The following ULK1 variants were observed in gnomAD, a reference collection of about 807,000 sequenced individuals.
ULK1 encodes the protein unc-51 like autophagy activating kinase 1.
ULK1 carries 48 observed loss-of-function variants against 117.5 expected under a neutral mutation model. The ratio of observed to expected loss-of-function variants is 0.41; its 90% CI spans 0.32 to 0.52. The LOEUF is 0.52. Ranked by LOEUF, ULK1 falls within the 20% of genes least tolerant of loss-of-function variation. ULK1 has a pLI of 0.29. For missense variants in ULK1, 1,387 were observed against 1,473.4 expected (o/e 0.94, Z 0.96); for synonymous variants, 790 against 637.8 (o/e 1.24, Z -3.60).
At chr12:131,915,008 C>T (rs569783560) in intron 16 of ULK1, 75 bp from the exon 17 acceptor site, 2 of 1,499,604 alleles carry the variant, frequency 1.3e-6, no homozygotes, top group African/African-American at 2.8e-5. Context: ...CCTGCCTTGT[C>T]CCCAGGTCCT....
At chr12:131,901,814 C>G (rs1482217909) in intron 3 of ULK1, among the ~76,000 whole-genome samples, 3 of 151,976 alleles carry the variant, frequency 2.0e-5, no homozygotes, top group Non-Finnish European at 2.9e-5. Context: ...TGTGCGCCAA[C>G]TAGGATGGCC....
chr12:131,904,822 G>A (rs963927411), intron 3 of ULK1, among the ~76,000 whole-genome samples: 1 of 152,098 alleles, frequency 6.6e-6, no homozygotes, highest in Non-Finnish European at 1.5e-5. Flanking sequence ...GTAATGGTGG[G>A]CCCAGGTCAG....
At chr12:131,918,419 G>A (rs1231761220) in intron 22 of ULK1, 78 bp from the exon 23 acceptor site, 13 of 1,494,744 alleles carry the variant, frequency 8.7e-6, no homozygotes, top group Non-Finnish European at 1.2e-5. Context: ...CCCTGGAGGT[G>A]TGGGAGTCTG....
rs1333391882 is a variant in ULK1, at chr12:131,909,040, T to G, written c.564+69T>G. ...GGGCTTGCTGGTTGGTTGGCTGGCGTGTGGTGCGCTCTGCTCTGGTTGGCT... is the reference window on the plus strand; with the variant it reads ...GGGCTTGCTGGTTGGTTGGCTGGCGGGTGGTGCGCTCTGCTCTGGTTGGCT... On this transcript the variant is annotated intron_variant, in intron 7 of 27. Transcript: ENST00000321867. 3.1e-6 allele frequency: 5 copies of G among 1,610,830 alleles called. No homozygotes were observed. In the Admixed American group the frequency reaches 8.4e-5, roughly 27 times the overall value.
Position 131,895,666 on chromosome 12 carries a change from G to T in ULK1, c.177G>T (p.Leu59=). The stretch of plus-strand genomic sequence containing the variant: ...AGAACCTCGCCAAGTCTCAGACGCT[G>T]CTGGGGAAGGAAATCAAAATCCTGA... ...NKKNLAKSQT[L]LGKEIKILKE... Residue 59 remains leucine, a synonymous_variant, in exon 2 of 28, where the codon CTG becomes CTT. Coordinates refer to ENST00000321867, the MANE Select transcript of ULK1 (RefSeq NM_003565.4). 6.2e-7 allele frequency: 1 copy of T among 1,614,166 alleles called. No homozygotes were observed. Among genetic ancestry groups the T allele is most frequent in the South Asian group, 1.1e-5 (1 of 91,084 alleles).
intron 19 of ULK1, 39 bp from the exon 20 acceptor site, chr12:131,916,359 A>C (rs759911493): frequency 6.5e-7 from 1 of 1,530,842 alleles, no homozygotes; most frequent in African/African-American, 1.4e-5. Flanking sequence ...AGGGCTGCAG[A>C]CCTGCGGGGC....
intron 3 of ULK1, among the ~76,000 whole-genome samples, chr12:131,901,365 A>G (rs1300692543): frequency 2.0e-5 from 3 of 152,064 alleles, no homozygotes; most frequent in African/African-American, 7.2e-5. Context: ...CAAAAAAAAA[A>G]AAAAGAAAAA....
chr12:131,896,610 C>T (rs1888882865), intron 3 of ULK1: 2 of 152,436 alleles, frequency 1.3e-5, no homozygotes, highest in African/African-American at 4.8e-5. Context: ...TTGCTGTGGC[C>T]TTGGGGACCG....
chr12:131,913,178 A>G lies in ULK1; in HGVS notation c.1097-20A>G. 6.4e-7 allele frequency: 1 copy of G among 1,561,378 alleles called. No individual in the cohort carries two copies. The highest frequency in any genetic ancestry group is 8.6e-7 in the Non-Finnish European group (1 of 1,160,108). ...GGCAGGCGGCAAGGACTCCAGGCCC[A>G]GCCTTGTCTCCCCCTGCAGGTGACC... On this transcript the variant is annotated intron_variant, in intron 13 of 27. Transcript: ENST00000321867.
chr12:131,901,242 C>T (rs1889074996), intron 3 of ULK1, among the ~76,000 whole-genome samples: 1 of 151,688 alleles, frequency 6.6e-6, no homozygotes, highest in African/African-American at 2.4e-5. Flanking sequence ...GCCTGTAGTC[C>T]CAGCTACTTG....
In ULK1 at chr12:131,917,459, G is replaced by C; in HGVS notation, c.2231G>C (p.Gly744Ala). 1 of 1,532,352 alleles carries C rather than the reference G, an allele frequency of 6.5e-7. No homozygotes were observed. The highest frequency in any genetic ancestry group is 1.4e-5 in the African/African-American group (1 of 70,858). The allele number at this position is 1,532,352 out of a possible 1,614,324, so 94.9% of individuals were successfully genotyped here. ...GGSLHPGARAGGTSSPSPVVF... is the reference protein window; with the variant it reads ...GGSLHPGARAAGTSSPSPVVF... ...AGCCTGCACCCAGGAGCCCGTGCTGGGGGCACCAGCAGCCCTTCCCCGGTG... is the reference window on the plus strand; with the variant it reads ...AGCCTGCACCCAGGAGCCCGTGCTGCGGGCACCAGCAGCCCTTCCCCGGTG... Residue 744 changes from glycine (G) to alanine (A), a missense_variant, in exon 22 of 28, where the codon GGG (glycine) becomes GCG (alanine). Physicochemically the swap from Gly to Ala is moderately conservative, Grantham distance 60 (BLOSUM62 0). Transcript: ENST00000321867.
In ULK1 at chr12:131,916,176, T is replaced by A. The variant is rs774734913; in HGVS notation, c.1878+17T>A. The A allele has an allele frequency of 1.2e-6, 2 of 1,607,558 alleles. No individual in the cohort carries two copies. The highest frequency in any genetic ancestry group is 2.2e-5 in the East Asian group (1 of 44,806). On this transcript the variant is annotated intron_variant, in intron 19 of 27. Coordinates refer to ENST00000321867, the MANE Select transcript of ULK1 (RefSeq NM_003565.4). The stretch of plus-strand genomic sequence containing the variant: ...CCCACCAAGGTAATGGGCACTGCCA[T>A]GTGTGCAGGGGCACAGAGCCCTGGG...
chr12:131,895,572 G>T (rs1174849159), intron 1 of ULK1, 29 bp from the exon 2 acceptor site: 3 of 1,604,644 alleles, frequency 1.9e-6, no homozygotes, highest in South Asian at 2.2e-5. Flanking sequence ...GGGCAGCCCT[G>T]GCCTTGAAGG....
rs889947495 is a variant in ULK1, at chr12:131,909,710, G to A, written c.667-65G>A. 11 of 1,462,052 alleles carry A rather than the reference G, an allele frequency of 7.5e-6. No individual in the cohort carries two copies. In the African/African-American group the frequency reaches 8.5e-5, roughly 11 times the overall value. The allele number at this position is 1,462,052 out of a possible 1,614,324, so 90.6% of individuals were successfully genotyped here. On this transcript the variant is annotated intron_variant, in intron 8 of 27. Transcript: ENST00000321867. Reference sequence around the variant, plus strand: ...GGGGCCGACTGGGGACGAACGCACCGAGACCCCGTGGGCTGGTCCCGCTCG... The same window carrying A: ...GGGGCCGACTGGGGACGAACGCACCAAGACCCCGTGGGCTGGTCCCGCTCG...
rs1890217408 is a variant in ULK1 at position 131,923,055 on chromosome 12, C to T, written c.*1694C>T. On this transcript the variant is annotated 3_prime_UTR_variant, in exon 28 of 28. Transcript: ENST00000321867. ...TGAATGTTCTCTTGATAGTGCTGGACCCTTTGTCTATTTTAAAGCGAATTT... is the reference window on the plus strand; with the variant it reads ...TGAATGTTCTCTTGATAGTGCTGGATCCTTTGTCTATTTTAAAGCGAATTT... 1 of 152,236 alleles carries T rather than the reference C, an allele frequency of 6.6e-6. No homozygotes were observed. Among genetic ancestry groups the T allele is most frequent in the South Asian group, 2.1e-4 (1 of 4,824 alleles). The allele number at this position is 152,236 out of a possible 1,614,324, so 9.4% of individuals were successfully genotyped here. A position where few individuals can be genotyped will look rare whatever the true frequency, so the allele number is the denominator to read the frequency against.
chr12:131,920,161 G>A (rs777723394), intron 26 of ULK1, 25 bp downstream of exon 26: 3 of 1,603,088 alleles, frequency 1.9e-6, no homozygotes, highest in African/African-American at 1.3e-5. Context: ...GACACCAGTG[G>A]GGCAGGGGCC....
At chr12:131,907,422 G>T in intron 4 of ULK1, 73 bp from the exon 5 acceptor site, 1 of 1,575,326 alleles carries the variant, frequency 6.3e-7, no homozygotes, top group Non-Finnish European at 8.6e-7. Flanking sequence ...TGTGAGGGGT[G>T]GGGAGGCTGG....
chr12:131,915,133 G>A lies in ULK1; in HGVS notation c.1424G>A (p.Arg475Lys). Residue 475 changes from arginine to lysine, a missense_variant, in exon 17 of 28, where the codon AGG becomes AAG. By Grantham distance (26) the Arg-to-Lys change is conservative. Coordinates refer to ENST00000321867, the MANE Select transcript of ULK1 (RefSeq NM_003565.4). ...SGSTSPLGFA[R>K]ASPSPPAHAE... ...AGCACCAGCCCCCTGGGCTTTGCAA[G>A]GGCCAGCCCCTCGCCCCCTGCCCAC... 1 of 1,599,088 alleles carries A rather than the reference G, an allele frequency of 6.3e-7. No homozygotes were observed. Among genetic ancestry groups the A allele is most frequent in the South Asian group, 1.1e-5 (1 of 89,430 alleles).
At chr12:131,919,071 T>TGG in intron 23 of ULK1, 141 bp from the exon 24 acceptor site, 1 of 891,588 alleles carries the variant, frequency 1.1e-6, no homozygotes, top group Non-Finnish European at 1.7e-6. Context: ...GTGTCGGGCG[T>TGG]GGCACATCCC....
Sources: gnomAD v4.1 joint callset for allele counts (sites outside exome capture counted in the v4.1 genomes callset) on GRCh38, gnomAD v4.1.1 for gene constraint, MANE v1.5 for transcripts, NCBI Gene and HGNC (gene_info 2026-07-23, HGNC 2026-07-21) for gene names.